The following FGD3 variants were observed in gnomAD, a reference collection of about 807,000 sequenced individuals.
The protein encoded by FGD3 is FYVE, RhoGEF and PH domain-containing protein 3.
FGD3 carries 45 observed loss-of-function variants against 71.8 expected under a neutral mutation model. That is an observed-to-expected ratio of 0.63 (90% CI 0.49 to 0.80). FGD3 has a LOEUF of 0.80. Among genes scored for constraint, FGD3 ranks in the 30% least tolerant of loss-of-function variants. The pLI is 0.00. For synonymous variants in FGD3, 378 were observed against 392.8 expected, an observed-to-expected ratio of 0.96 and a Z score of 0.44; for missense variants, 844 against 951.5, an observed-to-expected ratio of 0.89 and a Z score of 1.49.
rs1025963450 is a variant in FGD3, at chr9:92,965,663, T to G, written c.-217-9575T>G. Among the ~76,000 whole-genome samples, 6 of 152,332 alleles carry G rather than the reference T, an allele frequency of 3.9e-5. No individual in the cohort carries two copies. In the East Asian group the frequency reaches 1.2e-3, roughly 29 times the overall value. On this transcript the variant is annotated intron_variant, in intron 1 of 17. Coordinates refer to ENST00000375482, the MANE Select transcript of FGD3 (RefSeq NM_001083536.2). ...AGCCGTGTTGTACAGAGGTTAGAGCTGAAATGACCTTTTCCTGAGAAGCCT... is the reference window on the plus strand; with the variant it reads ...AGCCGTGTTGTACAGAGGTTAGAGCGGAAATGACCTTTTCCTGAGAAGCCT...
intron 3 of FGD3, among the ~76,000 whole-genome samples, chr9:92,980,670 GT>G (rs1476177788): frequency 6.6e-6 from 1 of 151,684 alleles, no homozygotes; most frequent in Admixed American, 6.6e-5. Context: ...TCCATTGGTT[GT>G]TTAAGAATGT....
At chr9:93,028,197 G>C (rs1430412539) in intron 14 of FGD3, among the ~76,000 whole-genome samples, 2 of 147,224 alleles carry the variant, frequency 1.4e-5, no homozygotes, top group African/African-American at 5.0e-5. Context: ...CCCTAGCCCC[G>C]ACACACACAC....
At chr9:93,018,362 G>A (rs1861785707) in intron 11 of FGD3, 147 bp downstream of exon 11, 9 of 705,746 alleles carry the variant, frequency 1.3e-5, no homozygotes, top group South Asian at 1.2e-4. Context: ...TCTATGTCCT[G>A]CGCTTGCTGC....
chr9:92,984,951 TC>T (rs1860136077), intron 3 of FGD3, among the ~76,000 whole-genome samples: 2 of 152,112 alleles, frequency 1.3e-5, no homozygotes, highest in Admixed American at 1.3e-4. Context: ...ATTTGCTGCC[TC>T]CAGAGTCACC....
At chr9:93,009,123 TGTG>T (rs1233128063) in intron 6 of FGD3, among the ~76,000 whole-genome samples, 1 of 151,664 alleles carries the variant, frequency 6.6e-6, no homozygotes, top group Non-Finnish European at 1.5e-5. Flanking sequence ...ATTAGCCAGG[TGTG>T]GTGGTGTGCA....
intron 3 of FGD3, among the ~76,000 whole-genome samples, chr9:92,978,797 C>T (rs1296508365): frequency 1.1e-5 from 1 of 94,630 alleles, no homozygotes; most frequent in Non-Finnish European, 2.2e-5. Context: ...CCCCTCCCCT[C>T]TCCTTCCCTT....
chr9:92,985,062 G>C (rs929508776), intron 3 of FGD3, among the ~76,000 whole-genome samples: 74 of 152,282 alleles, frequency 4.9e-4, no homozygotes, highest in African/African-American at 1.8e-3. Flanking sequence ...TCTGTCCTGG[G>C]GGCCCTTCAG....
intron 16 of FGD3, 83 bp downstream of exon 16, chr9:93,032,956 C>A: frequency 7.6e-7 from 1 of 1,313,024 alleles, no homozygotes. Context: ...GCAGCTCCAG[C>A]TGCCTCTGCT....
intron 1 of FGD3, among the ~76,000 whole-genome samples, chr9:92,963,382 C>T (rs1003136344): frequency 1.3e-5 from 2 of 152,224 alleles, no homozygotes; most frequent in African/African-American, 4.8e-5. Flanking sequence ...TCACTGCAAC[C>T]TCCACCTCTG....
Position 93,018,875 on chromosome 9 carries a change from G to A in FGD3, c.1355+660G>A, listed in dbSNP as rs375627525. 5.1e-4 allele frequency among the ~76,000 whole-genome samples: 77 copies of A among 151,858 alleles called. 1 individual carries two copies. In the South Asian group the frequency reaches 0.016, roughly 31 times the overall value. On this transcript the variant is annotated intron_variant, in intron 11 of 17. Transcript: ENST00000375482. ...GATTTTCTTTTCTTTTTTTTGAGAC[G>A]GAGTTTCGCTCCCAGGCTGGAGTGC... is the stretch of plus-strand genomic sequence containing the variant.
intron 1 of FGD3, among the ~76,000 whole-genome samples, chr9:92,966,064 C>T (rs1475583784): frequency 4.6e-5 from 7 of 152,200 alleles, no homozygotes; most frequent in Non-Finnish European, 8.8e-5. Context: ...GGGGCTGAGC[C>T]GGTCGGGAAG....
At chr9:92,972,139 C>T (rs988870726) in intron 1 of FGD3, among the ~76,000 whole-genome samples, 6 of 151,792 alleles carry the variant, frequency 4.0e-5, no homozygotes, top group African/African-American at 1.5e-4. Context: ...GTATTCTATT[C>T]CCTTTTTAAA....
intron 3 of FGD3, among the ~76,000 whole-genome samples, chr9:92,982,434 T>C (rs1860031291): frequency 6.6e-6 from 1 of 152,238 alleles, no homozygotes; most frequent in Non-Finnish European, 1.5e-5. Flanking sequence ...TGAATAGTGC[T>C]GCAATAAACA....
chr9:92,947,941 A>T (rs933659194), intron 1 of FGD3, among the ~76,000 whole-genome samples: 1 of 152,148 alleles, frequency 6.6e-6, no homozygotes, highest in African/African-American at 2.4e-5. Flanking sequence ...TCCTGAGCAC[A>T]GCCCAGTGGA....
At chr9:92,957,250 A>G (rs1322874549) in intron 1 of FGD3, among the ~76,000 whole-genome samples, 1 of 152,230 alleles carries the variant, frequency 6.6e-6, no homozygotes, top group African/African-American at 2.4e-5. Context: ...GAGAAGGTGT[A>G]TATTTAACTT....
chr9:92,968,528 G>A (rs1236800663), intron 1 of FGD3, among the ~76,000 whole-genome samples: 1 of 151,094 alleles, frequency 6.6e-6, no homozygotes, highest in Non-Finnish European at 1.5e-5. Flanking sequence ...AGACCCCAAG[G>A]TAATTACTCT....
intron 1 of FGD3, among the ~76,000 whole-genome samples, chr9:92,951,098 G>A (rs563063619): frequency 2.0e-5 from 3 of 152,176 alleles, no homozygotes; most frequent in Non-Finnish European, 4.4e-5. Flanking sequence ...TGGGGGTCCC[G>A]CTCTAGGTCT....
Position 92,986,793 on chromosome 9 carries a change from C to G in FGD3, c.453+10084C>G, listed in dbSNP as rs145965821. Among the ~76,000 whole-genome samples, 402 of 152,318 alleles carry G rather than the reference C, an allele frequency of 2.6e-3. 4 individuals are homozygous for G. The highest frequency in any genetic ancestry group is 9.2e-3 in the African/African-American group (383 of 41,582). On this transcript the variant is annotated intron_variant, in intron 3 of 17. Transcript: ENST00000375482. The stretch of plus-strand genomic sequence containing the variant: ...CACATGGTAAGTCAGAAGGAGCTGG[C>G]AGAGCCAGGGTTCCAATTAGTGTCT...
chr9:93,029,181 A>G (rs1187425150), intron 14 of FGD3, among the ~76,000 whole-genome samples: 1 of 151,272 alleles, frequency 6.6e-6, no homozygotes, highest in Non-Finnish European at 1.5e-5. Context: ...ACAGGCACCC[A>G]CTACCACTAC....
Sources: allele counts gnomAD v4.1 joint callset (sites outside exome capture counted in the v4.1 genomes callset), GRCh38; gene constraint gnomAD v4.1.1; transcripts MANE v1.5; gene names NCBI Gene and HGNC (gene_info 2026-07-23, HGNC 2026-07-21).